Variants in UGT2B7 observed in about 807,000 individuals in gnomAD.
The protein encoded by UGT2B7 is UDP-glucuronosyltransferase 2B7.
A neutral mutation model predicts 51.9 loss-of-function variants in UGT2B7; 51 were observed. The ratio of observed to expected loss-of-function variants is 0.98; its 90% confidence interval spans 0.78 to 1.24. UGT2B7 has a LOEUF of 1.24. UGT2B7 is among the 50% of genes most tolerant of loss of function. The pLI is 0.00. For missense variants in UGT2B7, 727 were observed against 628.4 expected, an observed-to-expected ratio of 1.16 and a Z score of -1.68; for synonymous variants, 225 against 211.6, an observed-to-expected ratio of 1.06 and a Z score of -0.55.
At chr4:69,071,242 C>T (rs1293821281) in intron 1 of UGT2B7, among the ~76,000 whole-genome samples, 3 of 152,022 alleles carry the variant, frequency 2.0e-5, no homozygotes, top group Admixed American at 6.6e-5. Context: ...CTTTCTTGCC[C>T]TCACCTTGTC....
intron 2 of UGT2B7, among the ~76,000 whole-genome samples, chr4:69,090,986 C>T (rs1719071799): frequency 6.6e-6 from 1 of 152,274 alleles, no homozygotes; most frequent in African/African-American, 2.4e-5. Flanking sequence ...TCAAATTTCT[C>T]TGTGATCCAT....
intron 4 of UGT2B7, 51 bp downstream of exon 4, chr4:69,107,313 G>A: frequency 6.6e-7 from 1 of 1,516,292 alleles, no homozygotes; most frequent in Non-Finnish European, 9.0e-7. Context: ...GCACATTAGA[G>A]TGTTAATAGT....
rs1259787528 is a variant in UGT2B7, at chr4:69,108,244, C to G, written c.1232C>G (p.Ala411Gly). 2 of 1,613,716 alleles carry G rather than the reference C, an allele frequency of 1.2e-6. No individual in the cohort carries two copies. The highest frequency in any genetic ancestry group is 3.3e-5 in the Admixed American group (2 of 60,012). The change falls in exon 5 of 6, where the codon GCA (alanine) becomes GGA (glycine). Residue 411 changes from alanine (A) to glycine (G), a missense_variant. Transcript: ENST00000305231. ...DNIAHMKARG[A>G]AVRVDFNTMS... Reference sequence around the variant, plus strand: ...ATTGCTCACATGAAGGCCAGGGGAGCAGCTGTTAGAGTGGACTTCAACACA... The same window carrying G: ...ATTGCTCACATGAAGGCCAGGGGAGGAGCTGTTAGAGTGGACTTCAACACA...
At chr4:69,074,605 T>G (rs1352606975) in intron 1 of UGT2B7, among the ~76,000 whole-genome samples, 2 of 151,986 alleles carry the variant, frequency 1.3e-5, no homozygotes, top group South Asian at 4.1e-4. Context: ...TTCTCTAATG[T>G]AAGAGAATCC....
intron 1 of UGT2B7, among the ~76,000 whole-genome samples, chr4:69,075,074 A>C (rs1254469949): frequency 6.6e-6 from 1 of 152,194 alleles, no homozygotes; most frequent in East Asian, 1.9e-4. Flanking sequence ...TAAAAATATA[A>C]ATTCACACAA....
chr4:69,112,868 A>G lies in UGT2B7; in HGVS notation c.*132A>G. 1 of 1,335,518 alleles carries G rather than the reference A, an allele frequency of 7.5e-7. No individual in the cohort carries two copies. The highest frequency in any genetic ancestry group is 9.8e-7 in the Non-Finnish European group (1 of 1,015,920). 82.7% of individuals were successfully genotyped at this position (1,335,518 alleles called of 1,614,324 possible). A position where few individuals can be genotyped will look rare whatever the true frequency, so the allele number is the denominator to read the frequency against. ...AAAAAAAGAAAAAAAAATCTTTTCA[A>G]AATTTACTTTGTCAAATAAAAATTT... On this transcript the variant is annotated 3_prime_UTR_variant, in exon 6 of 6. Transcript: ENST00000305231.
chr4:69,068,669 A>G (rs1241798012), intron 1 of UGT2B7, among the ~76,000 whole-genome samples: 4 of 151,968 alleles, frequency 2.6e-5, no homozygotes, highest in Non-Finnish European at 5.9e-5. Context: ...GTATGAAAAA[A>G]TATATCAGAA....
At chr4:69,059,584 G>A (rs554900300) in intron 1 of UGT2B7, among the ~76,000 whole-genome samples, 80 of 152,272 alleles carry the variant, frequency 5.3e-4, no homozygotes, top group African/African-American at 1.9e-3. Flanking sequence ...CAGAGTTTGG[G>A]CTGATAGTAA....
intron 1 of UGT2B7, among the ~76,000 whole-genome samples, chr4:69,067,870 T>C (rs1309351081): frequency 6.6e-6 from 1 of 152,044 alleles, no homozygotes; most frequent in Non-Finnish European, 1.5e-5. Context: ...ATAAGAGGAA[T>C]TACTAAAGAT....
intron 1 of UGT2B7, among the ~76,000 whole-genome samples, chr4:69,098,218 G>A (rs1317289151): frequency 1.3e-5 from 2 of 151,916 alleles, no homozygotes; most frequent in African/African-American, 4.8e-5. Flanking sequence ...TACTATTGAA[G>A]CTTTAAGAGA....
In UGT2B7 at chr4:69,108,188, G is replaced by C. The variant is rs61735558; in HGVS notation, c.1176G>C (p.Gly392=). The change falls in exon 5 of 6, where the codon GGG becomes GGC. Residue 392 remains glycine (G), a synonymous_variant. Coordinates refer to ENST00000305231, the MANE Select transcript of UGT2B7 (RefSeq NM_001074.4). ...EAIYHGIPMV[G]IPLFADQPDN... Reference sequence around the variant, plus strand: ...TCTACCATGGGATCCCTATGGTGGGGATTCCATTGTTTGCCGATCAACCTG... The same window carrying C: ...TCTACCATGGGATCCCTATGGTGGGCATTCCATTGTTTGCCGATCAACCTG... The C allele has an allele frequency of 6.8e-6, 11 of 1,613,772 alleles. No individual in the cohort carries two copies. In the African/African-American group the frequency reaches 8.0e-5, roughly 12 times the overall value.
intron 3 of UGT2B7, among the ~76,000 whole-genome samples, chr4:69,105,007 T>C (rs2109890908): frequency 6.6e-6 from 1 of 152,132 alleles, no homozygotes; most frequent in Admixed American, 6.6e-5. Context: ...CATAGCCAGA[T>C]AGATTTAGAG....
upstream of UGT2B7, chr4:69,096,377 C>T: frequency 4.6e-6 from 6 of 1,317,094 alleles, no homozygotes; most frequent in Middle Eastern, 1.9e-4. Context: ...TCCACATGCT[C>T]AGACTGTTGA....
intron 1 of UGT2B7, among the ~76,000 whole-genome samples, chr4:69,072,097 A>T (rs1401672982): frequency 1.3e-5 from 2 of 152,120 alleles, no homozygotes; most frequent in Non-Finnish European, 2.9e-5. Flanking sequence ...ATAAAGTACC[A>T]TGTACACATA....
At chr4:69,066,801 C>A (rs1718491693) in intron 1 of UGT2B7, among the ~76,000 whole-genome samples, 1 of 152,092 alleles carries the variant, frequency 6.6e-6, no homozygotes, top group Non-Finnish European at 1.5e-5. Context: ...TCAATCATTA[C>A]ACCTACCCTT....
chr4:69,100,102 C>T (rs967358857), intron 2 of UGT2B7, among the ~76,000 whole-genome samples: 7 of 151,978 alleles, frequency 4.6e-5, no homozygotes, highest in Non-Finnish European at 1.0e-4. Context: ...CAGAGATTTA[C>T]ATATTACAGC....
At chr4:69,097,752 A>C (rs1228528265) in intron 1 of UGT2B7, among the ~76,000 whole-genome samples, 1 of 152,052 alleles carries the variant, frequency 6.6e-6, no homozygotes, top group East Asian at 1.9e-4. Flanking sequence ...TCAGATGCAA[A>C]AATCAATAAG....
upstream of UGT2B7, chr4:69,096,421 G>T: frequency 6.4e-7 from 1 of 1,566,196 alleles, no homozygotes; most frequent in South Asian, 1.2e-5. Context: ...GACTTATAAG[G>T]GTTACATTTT....
intron 1 of UGT2B7, among the ~76,000 whole-genome samples, chr4:69,052,236 T>C (rs542981837): frequency 6.6e-6 from 1 of 152,034 alleles, no homozygotes; most frequent in East Asian, 1.9e-4. Context: ...CCAGTTTCCA[T>C]ACATAGACAG....
Sources: allele counts gnomAD v4.1 joint callset (sites outside exome capture counted in the v4.1 genomes callset), GRCh38; gene constraint gnomAD v4.1.1; transcripts MANE v1.5; gene names NCBI Gene and HGNC (gene_info 2026-07-23, HGNC 2026-07-21).